MYOM2: variants seen among roughly 807,000 people sequenced by gnomAD.
The protein encoded by MYOM2 is myomesin 2.
A neutral mutation model predicts 187.6 loss-of-function variants in MYOM2; 254 were observed. The observed-to-expected ratio is 1.35, with a 90% CI of 1.22 to 1.50. MYOM2 has a LOEUF of 1.50. MYOM2 is among the 40% of genes most tolerant of loss of function. MYOM2 has a pLI of 0.00. For missense variants in MYOM2, 2,796 were observed against 1,924.0 expected (o/e 1.45, Z -8.48); for synonymous variants, 981 against 753.8 (o/e 1.30, Z -4.94).
In MYOM2 at chr8:2,100,941, C is replaced by A; in HGVS notation, c.2506C>A (p.Pro836Thr). Residue 836 changes from proline to threonine, a missense_variant, in exon 20 of 37, where the codon CCT (proline) becomes ACT (threonine). Pro to Thr is a conservative substitution (Grantham distance 38). Coordinates refer to ENST00000262113, the MANE Select transcript of MYOM2 (RefSeq NM_003970.4). ...DTSLVMLWKA[P>T]VYSGSSPVSG... ...GTCCTTGGTCATGCTGTGGAAGGCCCCTGTGTACTCCGGCAGCAGCCCTGT... is the reference window on the plus strand; with the variant it reads ...GTCCTTGGTCATGCTGTGGAAGGCCACTGTGTACTCCGGCAGCAGCCCTGT... 6.2e-7 allele frequency: 1 copy of A among 1,614,160 alleles called. No individual in the cohort carries two copies. The highest frequency in any genetic ancestry group is 8.5e-7 in the Non-Finnish European group (1 of 1,180,030).
At chr8:2,144,541 T>G (rs537631565) in intron 36 of MYOM2, 123 bp from the exon 37 acceptor site, 36 of 1,029,536 alleles carry the variant, frequency 3.5e-5, no homozygotes, top group Non-Finnish European at 5.3e-5. Flanking sequence ...GGCTTGTTTC[T>G]AAACAAACGA....
chr8:2,104,993 G>A (rs1006189816), intron 21 of MYOM2, among the ~76,000 whole-genome samples: 1 of 152,240 alleles, frequency 6.6e-6, no homozygotes, highest in Non-Finnish European at 1.5e-5. Flanking sequence ...GCCCAGGCTG[G>A]TCTTGAACTC....
rs1479992399 is a variant in MYOM2 at position 2,057,820 on chromosome 8, T to G, written c.560+40T>G. 3 of 1,594,048 alleles carry G rather than the reference T, an allele frequency of 1.9e-6. No individual in the cohort carries two copies. The African/African-American group carries it at 4.0e-5, about 21-fold the overall frequency. ...TCCCAGGGGGTGAAGAAGTCCATTC[T>G]GCGTTTTCTTTCAGAAAGACCCCAG... On this transcript the variant is annotated intron_variant, in intron 5 of 36. Coordinates refer to ENST00000262113, the MANE Select transcript of MYOM2 (RefSeq NM_003970.4).
intron 13 of MYOM2, chr8:2,084,983 C>T (rs917115185): frequency 2.7e-5 from 11 of 401,498 alleles, no homozygotes; most frequent in African/African-American, 2.0e-4. Flanking sequence ...CTGGTAAATC[C>T]TTCCCCCTCT....
intron 17 of MYOM2, among the ~76,000 whole-genome samples, chr8:2,095,766 G>A (rs140066913): frequency 4.6e-5 from 7 of 152,236 alleles, no homozygotes; most frequent in East Asian, 1.9e-4. Context: ...AGGGAAACAC[G>A]GATTCACACT....
At chr8:2,112,915 G>A (rs142816850) in intron 25 of MYOM2, among the ~76,000 whole-genome samples, 8 of 152,314 alleles carry the variant, frequency 5.3e-5, no homozygotes, top group Non-Finnish European at 1.0e-4. Context: ...GTCTTCTCCC[G>A]CTACGCCTGC....
At chr8:2,125,285 C>G (rs535633618) in intron 31 of MYOM2, among the ~76,000 whole-genome samples, 183 of 152,292 alleles carry the variant, frequency 1.2e-3, no homozygotes, top group South Asian at 2.1e-3. Context: ...AGTTAAAGCG[C>G]CAATTTCACT....
chr8:2,082,222 G>A (rs1053774717), intron 13 of MYOM2: 2 of 152,114 alleles, frequency 1.3e-5, no homozygotes, highest in Admixed American at 6.5e-5. Context: ...ATGGGGTTTT[G>A]GAAAGTTTAT....
At chr8:2,117,263 G>A (rs909199356) in intron 27 of MYOM2, among the ~76,000 whole-genome samples, 4 of 151,532 alleles carry the variant, frequency 2.6e-5, no homozygotes, top group Non-Finnish European at 4.4e-5. Context: ...TATGAAAGAA[G>A]TGAACACATA....
chr8:2,135,457 G>T (rs73657757), intron 32 of MYOM2, among the ~76,000 whole-genome samples: 19,774 of 152,068 alleles, frequency 0.13, 2,176 homozygotes, highest in African/African-American at 0.28. Flanking sequence ...CAGTGTGGTT[G>T]TAAGAGTCTG....
rs1221772167 is a variant in MYOM2 at position 2,088,902 on chromosome 8, G to A, written c.1645-1106G>A. Among the ~76,000 whole-genome samples the A allele has an allele frequency of 3.3e-5, 5 of 152,332 alleles. No homozygotes were observed. The East Asian group carries it at 9.6e-4, about 29-fold the overall frequency. On this transcript the variant is annotated intron_variant, in intron 14 of 36. Coordinates refer to ENST00000262113, the MANE Select transcript of MYOM2 (RefSeq NM_003970.4). ...AGCAGTGGATAAGCCTTCCCTTTGT[G>A]GACCCATATTCTGATGTAGGAGAGG...
rs202191682 is a variant in MYOM2, at chr8:2,090,066, C to T, written c.1703C>T (p.Pro568Leu). 1.4e-4 allele frequency: 231 copies of T among 1,614,058 alleles called. No homozygotes were observed. The highest frequency in any genetic ancestry group is 2.7e-4 in the African/African-American group (20 of 75,010). The change falls in exon 15 of 37, where the codon CCG becomes CTG. Residue 568 changes from proline (P) to leucine (L), a missense_variant. Coordinates refer to ENST00000262113, the MANE Select transcript of MYOM2 (RefSeq NM_003970.4). ...AACGCCCAGACGGCTGTGAGATCCC[C>T]GAGATATGCCGTGTTTGACCTCATG... ...RVNAQTAVRS[P>L]RYAVFDLMEG...
intron 20 of MYOM2, among the ~76,000 whole-genome samples, chr8:2,101,658 G>A (rs1194638922): frequency 6.6e-6 from 1 of 152,206 alleles, no homozygotes; most frequent in East Asian, 1.9e-4. Flanking sequence ...CTTCCACATT[G>A]CAGTCTAATA....
chr8:2,089,584 C>G (rs1211549201), intron 14 of MYOM2, among the ~76,000 whole-genome samples: 3 of 152,304 alleles, frequency 2.0e-5, no homozygotes, highest in South Asian at 2.1e-4. Flanking sequence ...CATTTAATCA[C>G]TACTGCAAGT....
chr8:2,125,604 CTTTTTT>C (rs35137852), intron 31 of MYOM2, among the ~76,000 whole-genome samples: 3,633 of 89,430 alleles, frequency 0.041, 37 homozygotes, highest in Middle Eastern at 0.08. Context: ...ATTATTTTTC[CTTTTTT>C]TTTTTTTTTT....
Position 2,093,886 on chromosome 8 carries a change from C to T in MYOM2, c.2004-84C>T, listed in dbSNP as rs1023612466. 4.7e-5 allele frequency: 72 copies of T among 1,527,610 alleles called. No homozygotes were observed. The Admixed American group carries it at 5.6e-4, about 12-fold the overall frequency. 94.6% of individuals were successfully genotyped at this position (1,527,610 alleles called of 1,614,324 possible). On this transcript the variant is annotated intron_variant, in intron 16 of 36. Transcript: ENST00000262113. Reference sequence around the variant, plus strand: ...TGTTATCCATAAAAATTTTTTATGGCGCGTTCAGGGTGATTTTTGCTTCTG... The same window carrying T: ...TGTTATCCATAAAAATTTTTTATGGTGCGTTCAGGGTGATTTTTGCTTCTG...
chr8:2,113,215 G>C (rs17684547), intron 25 of MYOM2, among the ~76,000 whole-genome samples: 2 of 152,172 alleles, frequency 1.3e-5, no homozygotes, highest in African/African-American at 2.4e-5. Flanking sequence ...GGATTCCCTC[G>C]ACGCCATCGT....
intron 32 of MYOM2, among the ~76,000 whole-genome samples, chr8:2,130,602 A>C (rs1222982168): frequency 6.6e-6 from 1 of 152,182 alleles, no homozygotes; most frequent in Non-Finnish European, 1.5e-5. Context: ...TCCTATTTCA[A>C]TTTTGACATA....
Position 2,069,295 on chromosome 8 carries a change from C to G in MYOM2, c.671C>G (p.Thr224Ser). 6.2e-7 allele frequency: 1 copy of G among 1,612,704 alleles called. No homozygotes were observed. Among genetic ancestry groups the G allele is most frequent in the Admixed American group, 1.7e-5 (1 of 60,014 alleles). Residue 224 changes from threonine (T) to serine (S), a missense_variant, in exon 7 of 37, where the codon ACT (threonine) becomes AGT (serine). Thr to Ser is a moderately conservative substitution (Grantham distance 58, BLOSUM62 1). Coordinates refer to ENST00000262113, the MANE Select transcript of MYOM2 (RefSeq NM_003970.4). The stretch of plus-strand genomic sequence containing the variant: ...TCTCCAAGGGCAGACTTTGACGACA[C>G]TGCGACATACTCAGCAGTGGCCACC... ...LEINRADFDD[T>S]ATYSAVATNA...
Sources: allele counts gnomAD v4.1 joint callset (sites outside exome capture counted in the v4.1 genomes callset), GRCh38; gene constraint gnomAD v4.1.1; transcripts MANE v1.5; gene names NCBI Gene and HGNC (gene_info 2026-07-23, HGNC 2026-07-21).